The following WDR49 variants were observed in gnomAD, a reference collection of about 807,000 sequenced individuals.
The protein encoded by WDR49 is cilia- and flagella-associated protein 337.
A neutral mutation model predicts 119.5 loss-of-function variants in WDR49; 107 were observed. The observed-to-expected ratio is 0.90, with a 90% CI of 0.77 to 1.05. The LOEUF is 1.05. Among genes scored for constraint, WDR49 ranks in the 50% least tolerant of loss-of-function variants. The pLI, the probability that WDR49 is intolerant of heterozygous loss-of-function variation, is 0.00. For missense variants in WDR49, 1,240 were observed against 1,220.5 expected (o/e 1.02, Z -0.24); for synonymous variants, 425 against 418.8 (o/e 1.01, Z -0.18).
intron 4 of WDR49, 47 bp downstream of exon 4, chr3:167,621,420 T>G: frequency 2.1e-6 from 3 of 1,420,436 alleles, no homozygotes; most frequent in Non-Finnish European, 2.8e-6. Flanking sequence ...AAACTACAGT[T>G]TGATGATTAA....
chr3:167,499,438 A>G (rs1489199680), intron 18 of WDR49, among the ~76,000 whole-genome samples: 1 of 152,162 alleles, frequency 6.6e-6, no homozygotes, highest in Non-Finnish European at 1.5e-5. Flanking sequence ...CTTTTTATTA[A>G]TTATTTTAAA....
chr3:167,632,216 G>A (rs1459895093), intron 2 of WDR49, among the ~76,000 whole-genome samples: 1 of 151,920 alleles, frequency 6.6e-6, no homozygotes, highest in Non-Finnish European at 1.5e-5. Flanking sequence ...TGAGCTGGTA[G>A]TTTATTTTTT....
intron 16 of WDR49, among the ~76,000 whole-genome samples, chr3:167,515,108 G>C (rs1244923091): frequency 1.3e-5 from 2 of 152,184 alleles, no homozygotes; most frequent in Admixed American, 1.3e-4. Context: ...TTGAAAAGGA[G>C]TGACTCTTCC....
At chr3:167,563,353 CAAAAAAAAAA>C (rs61247447) in intron 8 of WDR49, among the ~76,000 whole-genome samples, 3 of 55,854 alleles carry the variant, frequency 5.4e-5, no homozygotes, top group Admixed American at 4.3e-4. Flanking sequence ...GATTCTGAAT[CAAAAAAAAAA>C]AAAAAAAAAA....
intron 7 of WDR49, among the ~76,000 whole-genome samples, chr3:167,582,926 G>C (rs766226097): frequency 6.6e-6 from 1 of 151,628 alleles, no homozygotes; most frequent in African/African-American, 2.4e-5. Context: ...CTGGGCAATA[G>C]AGCAAGACTT....
At chr3:167,544,577 A>T (rs1447014857) in intron 10 of WDR49, among the ~76,000 whole-genome samples, 2 of 152,124 alleles carry the variant, frequency 1.3e-5, no homozygotes, top group Non-Finnish European at 2.9e-5. Context: ...CAAAGCAAAC[A>T]AAAGCATAAA....
At chr3:167,611,347 A>C (rs1716326042) in intron 5 of WDR49, among the ~76,000 whole-genome samples, 1 of 152,198 alleles carries the variant, frequency 6.6e-6, no homozygotes, top group Non-Finnish European at 1.5e-5. Context: ...ATATACAAAA[A>C]ATAAAAAGCA....
intron 16 of WDR49, among the ~76,000 whole-genome samples, chr3:167,507,086 T>C (rs1751797962): frequency 1.3e-5 from 2 of 152,204 alleles, no homozygotes; most frequent in South Asian, 2.1e-4. Context: ...CAATAGCTAC[T>C]GTACAGTTAC....
intron 11 of WDR49, 64 bp from the exon 12 acceptor site, chr3:167,533,041 G>T: frequency 8.3e-7 from 1 of 1,200,000 alleles, no homozygotes; most frequent in Non-Finnish European, 1.2e-6. Context: ...ATGAGCAACA[G>T]CAATCAGAAG....
At chr3:167,519,728 C>T (rs953857451) in intron 16 of WDR49, among the ~76,000 whole-genome samples, 3 of 152,078 alleles carry the variant, frequency 2.0e-5, no homozygotes, top group South Asian at 2.1e-4. Flanking sequence ...TGCAGCAAAC[C>T]TCCATGGCAT....
At chr3:167,638,897 G>T (rs1020648213) in intron 2 of WDR49, among the ~76,000 whole-genome samples, 1 of 151,552 alleles carries the variant, frequency 6.6e-6, no homozygotes, top group African/African-American at 2.4e-5. Flanking sequence ...TCAACATTTC[G>T]ATTTCCTATC....
intron 7 of WDR49, among the ~76,000 whole-genome samples, chr3:167,592,232 T>C (rs993076042): frequency 6.6e-6 from 1 of 152,174 alleles, no homozygotes; most frequent in East Asian, 1.9e-4. Context: ...TTTTTAACTT[T>C]CTGTTGTTTC....
At chr3:167,545,500 T>TGC (rs1451224567) in intron 10 of WDR49, among the ~76,000 whole-genome samples, 1 of 130,994 alleles carries the variant, frequency 7.6e-6, no homozygotes, top group African/African-American at 2.8e-5. Context: ...ATATATTATA[T>TGC]ATTATATATT....
chr3:167,580,339 C>T (rs955894936), intron 7 of WDR49, among the ~76,000 whole-genome samples: 4 of 151,816 alleles, frequency 2.6e-5, no homozygotes, highest in South Asian at 2.1e-4. Flanking sequence ...AAATGGGTGA[C>T]GGTATATGAC....
At chr3:167,502,580 T>C (rs1055341313) in intron 17 of WDR49, among the ~76,000 whole-genome samples, 1 of 152,138 alleles carries the variant, frequency 6.6e-6, no homozygotes, top group Non-Finnish European at 1.5e-5. Flanking sequence ...AAGTCTCAGA[T>C]GGAAATGAGG....
At chr3:167,583,011 G>C (rs1714629223) in intron 7 of WDR49, among the ~76,000 whole-genome samples, 1 of 151,712 alleles carries the variant, frequency 6.6e-6, no homozygotes, top group South Asian at 2.1e-4. Flanking sequence ...GAAAGAGAGA[G>C]AGAGAGAAAA....
At chr3:167,532,029 C>T (rs925006142) in intron 12 of WDR49, among the ~76,000 whole-genome samples, 2 of 152,126 alleles carry the variant, frequency 1.3e-5, no homozygotes, top group Non-Finnish European at 2.9e-5. Context: ...TCAGATGAAT[C>T]TTAAAATGAT....
chr3:167,565,164 T>TTC (rs1713520242), intron 8 of WDR49, among the ~76,000 whole-genome samples: 1 of 152,130 alleles, frequency 6.6e-6, no homozygotes, highest in Non-Finnish European at 1.5e-5. Flanking sequence ...AGGGCAGCCA[T>TTC]TCTTTAGTTA....
At chr3:167,628,559 T>C (rs750585360) in intron 2 of WDR49, among the ~76,000 whole-genome samples, 3 of 152,036 alleles carry the variant, frequency 2.0e-5, no homozygotes, top group Non-Finnish European at 4.4e-5. Context: ...CTTTCCTTAG[T>C]TTTTTGAAGG....
Sources: allele counts gnomAD v4.1 joint callset (sites outside exome capture counted in the v4.1 genomes callset), GRCh38; gene constraint gnomAD v4.1.1; transcripts MANE v1.5; gene names NCBI Gene and HGNC (gene_info 2026-07-23, HGNC 2026-07-21).